Variants in PPP2R2B observed in about 807,000 individuals in gnomAD.
PPP2R2B encodes the protein protein phosphatase 2 regulatory subunit Bbeta.
Under a neutral mutation model 46.0 loss-of-function variants are expected in PPP2R2B, and 5 were observed. That is an observed-to-expected ratio of 0.11 (90% confidence interval 0.06 to 0.23). The LOEUF (loss-of-function observed/expected upper bound fraction) is 0.23. Ranked by LOEUF, PPP2R2B falls within the 10% of genes least tolerant of loss-of-function variation. The pLI is 1.00. For synonymous variants in PPP2R2B, 215 were observed against 206.7 expected, an observed-to-expected ratio of 1.04 and a Z score of -0.34; for missense variants, 367 against 575.0, an observed-to-expected ratio of 0.64 and a Z score of 3.70.
intron 7 of PPP2R2B, among the ~76,000 whole-genome samples, chr5:146,602,098 A>G (rs1169010359): frequency 1.3e-5 from 2 of 152,108 alleles, no homozygotes; most frequent in African/African-American, 4.8e-5. Flanking sequence ...TCTACTACAT[A>G]TTATTTCACC....
chr5:146,999,787 A>G (rs1030230662), intron 1 of PPP2R2B, among the ~76,000 whole-genome samples: 3 of 152,210 alleles, frequency 2.0e-5, no homozygotes, highest in African/African-American at 7.2e-5. Flanking sequence ...ACTCACAGAT[A>G]AATCCTCAGA....
At chr5:146,651,611 G>A (rs1775963845) in intron 5 of PPP2R2B, among the ~76,000 whole-genome samples, 1 of 152,092 alleles carries the variant, frequency 6.6e-6, no homozygotes, top group African/African-American at 2.4e-5. Flanking sequence ...GAACACTAAT[G>A]CCTGAGAGGG....
At chr5:147,078,933 A>G (rs1377757684) in intron 2 of PPP2R2B, among the ~76,000 whole-genome samples, 1 of 152,154 alleles carries the variant, frequency 6.6e-6, no homozygotes. Context: ...CCAAGATTTA[A>G]AACAAGGCAT....
chr5:146,664,101 A>C (rs939680762), intron 5 of PPP2R2B, among the ~76,000 whole-genome samples: 1 of 152,092 alleles, frequency 6.6e-6, no homozygotes. Flanking sequence ...TGGACTCCCA[A>C]AGTGCTGGGA....
intron 7 of PPP2R2B, among the ~76,000 whole-genome samples, chr5:146,627,826 C>T (rs1477645060): frequency 6.6e-6 from 1 of 152,212 alleles, no homozygotes; most frequent in Non-Finnish European, 1.5e-5. Context: ...CTACTACACC[C>T]ACCTTTGGAG....
At chr5:146,918,247 C>T (rs1561517726) in intron 1 of PPP2R2B, 2 of 152,162 alleles carry the variant, frequency 1.3e-5, no homozygotes, top group African/African-American at 4.8e-5. Context: ...AAGGGAAACT[C>T]GCCTTGGGCT....
intron 7 of PPP2R2B, among the ~76,000 whole-genome samples, chr5:146,601,574 G>A (rs1467015795): frequency 6.6e-6 from 1 of 152,146 alleles, no homozygotes; most frequent in Admixed American, 6.6e-5. Flanking sequence ...AAAAAGTGGT[G>A]CTTTCTTACT....
intron 2 of PPP2R2B, among the ~76,000 whole-genome samples, chr5:146,745,003 G>A (rs539734261): frequency 6.6e-6 from 1 of 152,114 alleles, no homozygotes; most frequent in Non-Finnish European, 1.5e-5. Context: ...AATATAAATT[G>A]TCCATTCCCA....
intron 2 of PPP2R2B, among the ~76,000 whole-genome samples, chr5:146,756,660 T>G (rs1753850555): frequency 6.6e-6 from 1 of 152,226 alleles, no homozygotes; most frequent in Non-Finnish European, 1.5e-5. Flanking sequence ...CTTATCAGTT[T>G]TCTTATCTGA....
intron 6 of PPP2R2B, among the ~76,000 whole-genome samples, chr5:146,642,167 C>T (rs1775265726): frequency 6.6e-6 from 1 of 152,182 alleles, no homozygotes; most frequent in South Asian, 2.1e-4. Context: ...CAGCTGAGCT[C>T]CATGCTTGGA....
chr5:146,720,549 G>A (rs1049277686), intron 2 of PPP2R2B, among the ~76,000 whole-genome samples: 3 of 152,178 alleles, frequency 2.0e-5, no homozygotes, highest in Non-Finnish European at 2.9e-5. Context: ...GTCGAACACT[G>A]TTGGGAAATA....
chr5:146,754,840 G>A (rs1225345828), intron 2 of PPP2R2B, among the ~76,000 whole-genome samples: 1 of 152,126 alleles, frequency 6.6e-6, no homozygotes, highest in Non-Finnish European at 1.5e-5. Context: ...GAGCCATGAT[G>A]GAAGCACTTC....
intron 2 of PPP2R2B, among the ~76,000 whole-genome samples, chr5:147,067,246 CATGTT>C (rs1192438630): frequency 6.6e-6 from 1 of 152,120 alleles, no homozygotes; most frequent in Non-Finnish European, 1.5e-5. Context: ...CTACAGTTAC[CATGTT>C]GTACAGTACA....
intron 2 of PPP2R2B, among the ~76,000 whole-genome samples, chr5:146,850,741 G>A (rs186113637): frequency 1.2e-3 from 182 of 152,158 alleles, no homozygotes; most frequent in Non-Finnish European, 2.0e-3. Context: ...TGCTTGTCAC[G>A]GTTGCAATTG....
chr5:146,676,456 A>G (rs322994), intron 5 of PPP2R2B, among the ~76,000 whole-genome samples: 4,006 of 151,884 alleles, frequency 0.026, 182 homozygotes, highest in African/African-American at 0.092. Context: ...TTTCTGTGCT[A>G]CCTCCTACCT....
rs150746019 is a variant in PPP2R2B at position 146,928,411 on chromosome 5, T to C, written c.79+127254A>G. On this transcript the variant is annotated intron_variant, in intron 1 of 8. Coordinates refer to the PPP2R2B transcript ENST00000336640. ...TCCCACCTGGGGCCTCTTCCACCTA[T>C]AGGCTTTTTCCATCTTGATTGATAT... Among the ~76,000 whole-genome samples, 984 of 152,106 alleles carry C rather than the reference T, an allele frequency of 6.5e-3. 11 individuals are homozygous for C. Among genetic ancestry groups the C allele is most frequent in the African/African-American group, 0.023 (939 of 41,522 alleles).
chr5:146,795,748 A>G (rs534787623), intron 2 of PPP2R2B, among the ~76,000 whole-genome samples: 56 of 152,332 alleles, frequency 3.7e-4, no homozygotes, highest in African/African-American at 1.3e-3. Context: ...TAGGTATAGT[A>G]TATCAAAACG....
intron 8 of PPP2R2B, among the ~76,000 whole-genome samples, chr5:146,597,428 C>T (rs1771285317): frequency 6.6e-6 from 1 of 152,156 alleles, no homozygotes; most frequent in Admixed American, 6.5e-5. Flanking sequence ...TTCATTATTT[C>T]CCCTTTTCCC....
At chr5:146,728,138 C>CG (rs1751994643) in intron 2 of PPP2R2B, among the ~76,000 whole-genome samples, 2 of 82,506 alleles carry the variant, frequency 2.4e-5, no homozygotes, top group Middle Eastern at 9.8e-3. Context: ...GAAACACTTA[C>CG]TTTTTTTTTT....
Sources: allele counts gnomAD v4.1 joint callset (sites outside exome capture counted in the v4.1 genomes callset), GRCh38; gene constraint gnomAD v4.1.1; transcripts MANE v1.5; gene names NCBI Gene and HGNC (gene_info 2026-07-23, HGNC 2026-07-21).